The following FMN2 variants were observed in gnomAD, a reference collection of about 807,000 sequenced individuals.
FMN2 encodes formin 2.
FMN2 carries 51 observed loss-of-function variants against 142.3 expected under a neutral mutation model. That is an observed-to-expected ratio of 0.36 (90% CI 0.29 to 0.45). The LOEUF (loss-of-function observed/expected upper bound fraction) is 0.45, where lower values mean the gene tolerates loss of function less well. Among genes scored for constraint, FMN2 ranks in the 20% least tolerant of loss-of-function variants. FMN2 has a pLI of 1.00. For missense variants in FMN2, 1,936 were observed against 2,122.8 expected, an observed-to-expected ratio of 0.91 and a Z score of 1.73; for synonymous variants, 882 against 869.8, an observed-to-expected ratio of 1.01 and a Z score of -0.25.
chr1:240,352,874 CT>C (rs957947832), intron 13 of FMN2, among the ~76,000 whole-genome samples: 1 of 152,176 alleles, frequency 6.6e-6, no homozygotes, highest in African/African-American at 2.4e-5. Flanking sequence ...AGGAAGTTGA[CT>C]ACGGATGTCT....
intron 15 of FMN2, among the ~76,000 whole-genome samples, chr1:240,436,267 A>G (rs909139317): frequency 7.4e-6 from 1 of 135,522 alleles, no homozygotes; most frequent in Non-Finnish European, 1.7e-5. Flanking sequence ...TAGGCTAACT[A>G]AGGAGAAAAA....
Position 240,431,772 on chromosome 1 carries a change from G to A in FMN2, c.4911-6289G>A, listed in dbSNP as rs865834540. On this transcript the variant is annotated intron_variant, in intron 15 of 17. Coordinates refer to ENST00000319653, the MANE Select transcript of FMN2 (RefSeq NM_020066.5). ...ATAAATGTGGCAAATTACACTGATT[G>A]CTTTCACTGTTAACACCAAATTGTA... 3.3e-5 allele frequency among the ~76,000 whole-genome samples: 5 copies of A among 150,990 alleles called. No homozygotes were observed. In the Middle Eastern group the frequency reaches 0.01, roughly 312 times the overall value.
At chr1:240,393,143 C>T (rs188280147) in intron 15 of FMN2, among the ~76,000 whole-genome samples, 1 of 149,988 alleles carries the variant, frequency 6.7e-6, no homozygotes, top group Non-Finnish European at 1.5e-5. Context: ...TATTGCACTT[C>T]TCTTTGCTGT....
At chr1:240,169,458 A>AT (rs1347903717) in intron 2 of FMN2, among the ~76,000 whole-genome samples, 1 of 151,984 alleles carries the variant, frequency 6.6e-6, no homozygotes, top group African/African-American at 2.4e-5. Context: ...ATTTGATTTG[A>AT]TTTGATATTG....
intron 1 of FMN2, among the ~76,000 whole-genome samples, chr1:240,104,088 C>G (rs1661514794): frequency 6.6e-6 from 1 of 151,424 alleles, no homozygotes; most frequent in Non-Finnish European, 1.5e-5. Flanking sequence ...CCGTGTTAGC[C>G]AGGATGGTCT....
chr1:240,340,690 C>T (rs184894923), intron 13 of FMN2, among the ~76,000 whole-genome samples: 1 of 152,246 alleles, frequency 6.6e-6, no homozygotes, highest in Admixed American at 6.5e-5. Flanking sequence ...TTGTTTTCTT[C>T]TGGTACCTCT....
rs200036152 is a variant in FMN2 at position 240,208,226 on chromosome 1, G to A, written c.3414G>A (p.Ala1138=). The part of the protein sequence containing the change: ...GIPPPPPLPG[A]GIPPPPPLPR... ...CCCCTCCTCCCCCTCTTCCCGGAGC[G>A]GGCATACCTCCTCCACCCCCTCTAC... is the stretch of plus-strand genomic sequence containing the variant. The change falls in exon 5 of 18, where the codon GCG becomes GCA. Residue 1138 remains alanine, a synonymous_variant. Transcript: ENST00000319653. 2.1e-5 allele frequency: 16 copies of A among 768,320 alleles called. No homozygotes were observed. The highest frequency in any genetic ancestry group is 7.6e-5 in the South Asian group (4 of 52,932). 47.6% of individuals were successfully genotyped at this position (768,320 alleles called of 1,614,324 possible). A position where few individuals can be genotyped will look rare whatever the true frequency, so the allele number is the denominator to read the frequency against.
At chr1:240,308,187 G>A (rs763408211) in intron 8 of FMN2, among the ~76,000 whole-genome samples, 10 of 152,138 alleles carry the variant, frequency 6.6e-5, no homozygotes, top group Non-Finnish European at 1.0e-4. Context: ...ACCATATCAT[G>A]CCTGAAGTGT....
At chr1:240,275,264 A>T (rs1477520669) in intron 7 of FMN2, among the ~76,000 whole-genome samples, 1 of 145,580 alleles carries the variant, frequency 6.9e-6, no homozygotes, top group Admixed American at 6.9e-5. Flanking sequence ...AACAGGCCCC[A>T]GTGTGTGATG....
chr1:240,418,152 T>C (rs887878141), intron 15 of FMN2, among the ~76,000 whole-genome samples: 6 of 151,978 alleles, frequency 3.9e-5, no homozygotes, highest in African/African-American at 1.2e-4. Flanking sequence ...ATATTCAATC[T>C]GATAGACTTT....
chr1:240,366,271 A>C (rs1371452092), intron 14 of FMN2, among the ~76,000 whole-genome samples: 1 of 152,152 alleles, frequency 6.6e-6, no homozygotes, highest in Non-Finnish European at 1.5e-5. Flanking sequence ...CTTCAGAAAC[A>C]ACCACTATCC....
intron 7 of FMN2, among the ~76,000 whole-genome samples, chr1:240,273,669 A>G (rs908734484): frequency 3.5e-5 from 5 of 142,238 alleles, no homozygotes; most frequent in African/African-American, 7.9e-5. Context: ...CAGAGGGGGC[A>G]GAGACACACA....
intron 16 of FMN2, among the ~76,000 whole-genome samples, chr1:240,463,099 T>C (rs551778556): frequency 6.6e-6 from 1 of 152,260 alleles, no homozygotes; most frequent in East Asian, 1.9e-4. Context: ...GCTAAGGAAC[T>C]TTAAACAATT....
intron 2 of FMN2, among the ~76,000 whole-genome samples, chr1:240,123,600 A>T (rs1348610874): frequency 6.6e-6 from 1 of 152,010 alleles, no homozygotes; most frequent in East Asian, 1.9e-4. Context: ...AGAGTTCTCT[A>T]GCCTGCTTTA....
At chr1:240,219,653 T>A (rs1175046103) in intron 6 of FMN2, among the ~76,000 whole-genome samples, 1 of 152,162 alleles carries the variant, frequency 6.6e-6, no homozygotes, top group Non-Finnish European at 1.5e-5. Context: ...TTTTAAAATT[T>A]TTTGTATTTA....
At chr1:240,159,067 A>G (rs1207504928) in intron 2 of FMN2, among the ~76,000 whole-genome samples, 1 of 152,152 alleles carries the variant, frequency 6.6e-6, no homozygotes, top group Non-Finnish European at 1.5e-5. Flanking sequence ...GGGATTTTCC[A>G]TCATTTGCAT....
intron 1 of FMN2, among the ~76,000 whole-genome samples, chr1:240,122,320 G>A (rs7536426): frequency 0.62 from 94,054 of 151,392 alleles, 29,717 homozygotes; most frequent in African/African-American, 0.73. Flanking sequence ...CTAGAGTGCA[G>A]TGGTGCGATC....
At chr1:240,113,573 A>AT (rs1661903090) in intron 1 of FMN2, among the ~76,000 whole-genome samples, 2 of 151,402 alleles carry the variant, frequency 1.3e-5, no homozygotes, top group Non-Finnish European at 2.9e-5. Flanking sequence ...AAAAAAAAAA[A>AT]AAAAAATAAG....
chr1:240,424,987 A>C (rs1674887735), intron 15 of FMN2, among the ~76,000 whole-genome samples: 2 of 152,212 alleles, frequency 1.3e-5, no homozygotes, highest in Admixed American at 1.3e-4. Context: ...AAAGCCATGA[A>C]CATAAATGCT....
Sources: allele counts gnomAD v4.1 joint callset (sites outside exome capture counted in the v4.1 genomes callset), GRCh38; gene constraint gnomAD v4.1.1; transcripts MANE v1.5; gene names NCBI Gene and HGNC (gene_info 2026-07-23, HGNC 2026-07-21).